The following BTBD9 variants were observed in gnomAD, a reference collection of about 807,000 sequenced individuals.
BTBD9 encodes BTB/POZ domain-containing protein 9.
Under a neutral mutation model 64.3 loss-of-function variants are expected in BTBD9, and 49 were observed. The ratio of observed to expected loss-of-function variants is 0.76; its 90% CI spans 0.61 to 0.97. The LOEUF (loss-of-function observed/expected upper bound fraction) is 0.97, where lower values mean the gene tolerates loss of function less well. Ranked by LOEUF, BTBD9 falls within the 50% of genes least tolerant of loss-of-function variation. BTBD9 has a pLI of 0.00. For synonymous variants in BTBD9, 260 were observed against 274.7 expected, an observed-to-expected ratio of 0.95 and a Z score of 0.53; for missense variants, 598 against 762.1, an observed-to-expected ratio of 0.78 and a Z score of 2.53.
At chr6:38,573,200 T>C (rs1393169617) in intron 6 of BTBD9, among the ~76,000 whole-genome samples, 11 of 152,104 alleles carry the variant, frequency 7.2e-5, no homozygotes, top group Non-Finnish European at 1.3e-4. Flanking sequence ...ATGTATTACA[T>C]TGGCAAAACG....
intron 9 of BTBD9, among the ~76,000 whole-genome samples, chr6:38,236,630 A>G (rs1338955252): frequency 1.3e-5 from 2 of 152,228 alleles, no homozygotes; most frequent in Non-Finnish European, 2.9e-5. Flanking sequence ...TAAATCCCAA[A>G]GAAACATGCT....
chr6:38,500,555 C>A (rs562424672), intron 6 of BTBD9, among the ~76,000 whole-genome samples: 2 of 152,180 alleles, frequency 1.3e-5, no homozygotes, highest in Non-Finnish European at 2.9e-5. Context: ...TTCCACTTTT[C>A]TCTAACTCAG....
intron 6 of BTBD9, among the ~76,000 whole-genome samples, chr6:38,499,000 G>A (rs1443737558): frequency 1.3e-5 from 2 of 152,130 alleles, no homozygotes; most frequent in South Asian, 2.1e-4. Context: ...AACATAACTG[G>A]AGTCTAAACA....
Position 38,256,419 on chromosome 6 carries a change from CTT to C in BTBD9, c.1550_1551del (p.Lys517SerfsTer12), listed in dbSNP as rs752201118. ...QQWTMVADRT[K>X]VSCKSWQSVT... ...AAAGACACAACTTACTTGCAGGAGA[CTT>C]TAGTTCTGTCAGCAACCATGGTCCA... On this transcript the variant is annotated frameshift_variant, in exon 9 of 11. Transcript: ENST00000481247. LOFTEE classifies it high-confidence loss of function. The C allele has an allele frequency of 6.2e-7, 1 of 1,612,286 alleles. No individual in the cohort carries two copies. The highest frequency in any genetic ancestry group is 1.1e-5 in the South Asian group (1 of 91,014).
At chr6:38,514,924 G>A (rs896193417) in intron 6 of BTBD9, among the ~76,000 whole-genome samples, 15 of 152,060 alleles carry the variant, frequency 9.9e-5, no homozygotes, top group African/African-American at 3.1e-4. Context: ...GCAGACCTTC[G>A]AAACAGACTG....
chr6:38,463,469 G>A (rs1006966405), intron 6 of BTBD9, among the ~76,000 whole-genome samples: 6 of 152,372 alleles, frequency 3.9e-5, no homozygotes, highest in East Asian at 1.9e-4. Context: ...GTTAGGAGGA[G>A]AGAGTATGTA....
At chr6:38,275,296 T>C (rs886824938) in intron 8 of BTBD9, among the ~76,000 whole-genome samples, 29 of 151,982 alleles carry the variant, frequency 1.9e-4, no homozygotes, top group African/African-American at 6.3e-4. Context: ...GCTAGCCATA[T>C]GTAGAAAGCT....
intron 6 of BTBD9, among the ~76,000 whole-genome samples, chr6:38,416,272 AG>A (rs1767661433): frequency 6.6e-6 from 1 of 151,676 alleles, no homozygotes; most frequent in Non-Finnish European, 1.5e-5. Context: ...TTTATTTGTA[AG>A]GGCAGCTTCT....
intron 7 of BTBD9, among the ~76,000 whole-genome samples, chr6:38,306,431 C>T (rs534295864): frequency 6.6e-6 from 1 of 152,322 alleles, no homozygotes; most frequent in South Asian, 2.1e-4. Flanking sequence ...ATTACTTTTC[C>T]CCCTCTGTGC....
chr6:38,221,548 T>C (rs562099320), intron 9 of BTBD9, among the ~76,000 whole-genome samples: 7 of 152,292 alleles, frequency 4.6e-5, no homozygotes, highest in African/African-American at 9.6e-5. Context: ...CAATGAACCA[T>C]TGCATTGAAA....
chr6:38,205,228 T>A (rs965775249), intron 9 of BTBD9, among the ~76,000 whole-genome samples: 5 of 152,102 alleles, frequency 3.3e-5, no homozygotes, highest in African/African-American at 1.2e-4. Context: ...AGGTTAAAGA[T>A]CCTACTAAGT....
chr6:38,423,466 G>A (rs749164921), intron 6 of BTBD9, among the ~76,000 whole-genome samples: 7 of 151,830 alleles, frequency 4.6e-5, no homozygotes, highest in Non-Finnish European at 7.4e-5. Flanking sequence ...CACCACACTC[G>A]GCTAATTTTT....
intron 1 of BTBD9, among the ~76,000 whole-genome samples, chr6:38,606,748 C>A (rs955350559): frequency 1.5e-4 from 23 of 152,154 alleles, no homozygotes; most frequent in Admixed American, 1.3e-3. Context: ...ACAGTCCTAG[C>A]ATTTTTATAT....
chr6:38,596,662 G>C (rs1369796773), intron 2 of BTBD9, among the ~76,000 whole-genome samples: 1 of 152,042 alleles, frequency 6.6e-6, no homozygotes, highest in East Asian at 1.9e-4. Context: ...TTAGCCGAGC[G>C]TGGTGGCAGG....
intron 6 of BTBD9, among the ~76,000 whole-genome samples, chr6:38,388,063 A>T (rs1308255357): frequency 1.3e-5 from 2 of 152,150 alleles, no homozygotes; most frequent in Admixed American, 6.5e-5. Flanking sequence ...TCTCCAAGTG[A>T]AAAATAAAAA....
rs943115733 is a variant in BTBD9, at chr6:38,191,352, A to G, written c.1641+1167T>C. ...CTGGGGAAATTTTAATTCCATAAAGACAATGCATGAATCCCAAGCACAGGG... is the reference window on the plus strand; with the variant it reads ...CTGGGGAAATTTTAATTCCATAAAGGCAATGCATGAATCCCAAGCACAGGG... On this transcript the variant is annotated intron_variant, in intron 10 of 10. Coordinates refer to ENST00000481247, the MANE Select transcript of BTBD9 (RefSeq NM_001099272.2). 2.0e-5 allele frequency among the ~76,000 whole-genome samples: 3 copies of G among 152,342 alleles called. No individual in the cohort carries two copies. The South Asian group carries it at 6.2e-4, about 32-fold the overall frequency.
intron 6 of BTBD9, among the ~76,000 whole-genome samples, chr6:38,373,964 A>C (rs997973498): frequency 2.6e-5 from 4 of 152,000 alleles, no homozygotes; most frequent in Non-Finnish European, 5.9e-5. Context: ...TTTCTGAAAA[A>C]TCAGCTTTTT....
intron 9 of BTBD9, among the ~76,000 whole-genome samples, chr6:38,232,294 G>C (rs916525663): frequency 6.6e-6 from 1 of 150,480 alleles, no homozygotes; most frequent in African/African-American, 2.5e-5. Flanking sequence ...TTTTTTAGAC[G>C]GAGTCTCGCT....
chr6:38,205,877 C>A (rs2127495663), intron 9 of BTBD9, among the ~76,000 whole-genome samples: 1 of 8,504 alleles, frequency 1.2e-4, no homozygotes, highest in African/African-American at 5.2e-4. Context: ...AGGAGTCTGT[C>A]TCAAAAAAAA....
Sources: gnomAD v4.1 joint callset for allele counts (sites outside exome capture counted in the v4.1 genomes callset) on GRCh38, gnomAD v4.1.1 for gene constraint, MANE v1.5 for transcripts, NCBI Gene and HGNC (gene_info 2026-07-23, HGNC 2026-07-21) for gene names.